MRPL14: variants seen among roughly 807,000 people sequenced by gnomAD.
MRPL14 encodes large ribosomal subunit protein uL14m.
In MRPL14, 8 loss-of-function variants were observed where a neutral mutation model predicts 10.9. The ratio of observed to expected loss-of-function variants is 0.74; its 90% CI spans 0.43 to 1.33. The LOEUF is 1.33. Ranked by LOEUF, MRPL14 falls within the 40% of genes most tolerant of loss-of-function variation. The probability of loss-of-function intolerance (pLI) is 0.01; values close to 1 mark genes in which losing one functional copy is unlikely to be tolerated. For missense variants in MRPL14, 179 were observed against 194.5 expected (o/e 0.92, Z 0.47); for synonymous variants, 82 against 74.1 (o/e 1.11, Z -0.54).
intron 1 of MRPL14, 72 bp from the exon 2 acceptor site, chr6:44,116,701 C>T: frequency 1.0e-6 from 1 of 1,003,466 alleles, no homozygotes; most frequent in Non-Finnish European, 1.6e-6. Flanking sequence ...TCTTTGGGGA[C>T]TTGTGTGGGA....
chr6:44,113,747 G>A lies in MRPL14; in HGVS notation c.*96C>T. The A allele has an allele frequency of 1.5e-6, 2 of 1,322,160 alleles. No individual in the cohort carries two copies. Among genetic ancestry groups the A allele is most frequent in the East Asian group, 2.3e-5 (1 of 42,816 alleles). 81.9% of individuals were successfully genotyped at this position (1,322,160 alleles called of 1,614,324 possible). The stretch of plus-strand genomic sequence containing the variant: ...ATACTACACTGTTACCCAGTGTGAA[G>A]GGAGCAGCCATGTGGCTCCCAAGCT... On this transcript the variant is annotated 3_prime_UTR_variant, in exon 3 of 3. Transcript: ENST00000372014.
At chr6:44,121,447 CTCCCT>C (rs1470023322) in intron 1 of MRPL14, among the ~76,000 whole-genome samples, 6 of 152,210 alleles carry the variant, frequency 3.9e-5, no homozygotes, top group Non-Finnish European at 7.3e-5. Context: ...GCTTTAAGAT[CTCCCT>C]TCAGTTGTAG....
chr6:44,123,935 T>A (rs1776689594), intron 1 of MRPL14, among the ~76,000 whole-genome samples: 1 of 152,212 alleles, frequency 6.6e-6, no homozygotes, highest in African/African-American at 2.4e-5. Context: ...AGATGGTTTT[T>A]CAATGTGTAG....
intron 1 of MRPL14, among the ~76,000 whole-genome samples, chr6:44,117,579 C>A (rs1363132928): frequency 1.3e-5 from 2 of 152,166 alleles, no homozygotes; most frequent in Non-Finnish European, 2.9e-5. Flanking sequence ...CAAGTTCAAA[C>A]CACCTCAGAT....
chr6:44,116,204 T>TA (rs749788644), intron 2 of MRPL14, among the ~76,000 whole-genome samples: 1 of 152,208 alleles, frequency 6.6e-6, no homozygotes, highest in Non-Finnish European at 1.5e-5. Flanking sequence ...TTTTTGTAAT[T>TA]AAAAAAATTC....
At chr6:44,116,968 T>A (rs1384452402) in intron 1 of MRPL14, among the ~76,000 whole-genome samples, 2 of 152,252 alleles carry the variant, frequency 1.3e-5, no homozygotes, top group Non-Finnish European at 2.9e-5. Flanking sequence ...GCCAGGGACT[T>A]CTTCTCGAGT....
chr6:44,125,410 C>CT (rs1305385295), intron 1 of MRPL14, among the ~76,000 whole-genome samples: 1 of 152,180 alleles, frequency 6.6e-6, no homozygotes, highest in African/African-American at 2.4e-5. Flanking sequence ...AATCCCAGCA[C>CT]TTTGAGAGGC....
At chr6:44,114,562 C>T (rs887691419) in intron 2 of MRPL14, among the ~76,000 whole-genome samples, 1 of 152,216 alleles carries the variant, frequency 6.6e-6, no homozygotes, top group East Asian at 1.9e-4. Context: ...CTAGGCCTCA[C>T]CCACTGCCTA....
chr6:44,122,695 G>A (rs564777212), intron 1 of MRPL14, among the ~76,000 whole-genome samples: 1 of 141,366 alleles, frequency 7.1e-6, no homozygotes, highest in South Asian at 2.3e-4. Context: ...AGGAGGTTCT[G>A]CTAGTATGTA....
chr6:44,125,671 A>G (rs1412252148), intron 1 of MRPL14, among the ~76,000 whole-genome samples: 1 of 151,114 alleles, frequency 6.6e-6, no homozygotes, highest in East Asian at 1.9e-4. Flanking sequence ...AAAAAAAAAA[A>G]AAAAAAAAAA....
intron 1 of MRPL14, among the ~76,000 whole-genome samples, chr6:44,125,410 C>T (rs1776866034): frequency 6.6e-6 from 1 of 152,180 alleles, no homozygotes; most frequent in Non-Finnish European, 1.5e-5. Flanking sequence ...AATCCCAGCA[C>T]TTTGAGAGGC....
intron 1 of MRPL14, among the ~76,000 whole-genome samples, chr6:44,126,576 G>A (rs899480821): frequency 6.6e-6 from 1 of 152,158 alleles, no homozygotes; most frequent in Non-Finnish European, 1.5e-5. Context: ...GTAGCCTGAG[G>A]TGTCTGTCAT....
At chr6:44,126,237 CGT>C (rs1358174386) in intron 1 of MRPL14, among the ~76,000 whole-genome samples, 3 of 152,340 alleles carry the variant, frequency 2.0e-5, no homozygotes, top group Admixed American at 2.0e-4. Flanking sequence ...TACACTCACA[CGT>C]GTGTGTACAC....
intron 1 of MRPL14, among the ~76,000 whole-genome samples, chr6:44,124,462 T>C (rs997077093): frequency 5.3e-5 from 8 of 152,238 alleles, no homozygotes; most frequent in African/African-American, 1.7e-4. Flanking sequence ...TGCAGGATAG[T>C]TTGTTTACCA....
At chr6:44,123,870 C>CA (rs564298670) in intron 1 of MRPL14, among the ~76,000 whole-genome samples, 1,595 of 149,950 alleles carry the variant, frequency 0.011, 13 homozygotes, top group Middle Eastern at 0.027. Context: ...GACCCTGCCT[C>CA]AAAAAAAAAG....
At chr6:44,122,318 C>T (rs1179631280) in intron 1 of MRPL14, among the ~76,000 whole-genome samples, 1 of 152,072 alleles carries the variant, frequency 6.6e-6, no homozygotes, top group Non-Finnish European at 1.5e-5. Flanking sequence ...CTCCTGACCT[C>T]GTGATCCGCC....
chr6:44,116,482 A>G, intron 2 of MRPL14, 59 bp downstream of exon 2: 2 of 1,539,168 alleles, frequency 1.3e-6, no homozygotes, highest in Non-Finnish European at 1.8e-6. Flanking sequence ...CGTAATACCC[A>G]GCCCTGATAG....
At chr6:44,118,919 G>A (rs1421031598) in intron 1 of MRPL14, among the ~76,000 whole-genome samples, 1 of 152,150 alleles carries the variant, frequency 6.6e-6, no homozygotes, top group African/African-American at 2.4e-5. Flanking sequence ...AGCCGAGATC[G>A]CATCATTGCA....
intron 2 of MRPL14, among the ~76,000 whole-genome samples, chr6:44,115,463 A>G (rs908736514): frequency 6.6e-6 from 1 of 152,038 alleles, no homozygotes; most frequent in Non-Finnish European, 1.5e-5. Context: ...CTCCACCAAC[A>G]TGAACTGGCC....
Sources: gnomAD v4.1 joint callset for allele counts (sites outside exome capture counted in the v4.1 genomes callset) on GRCh38, gnomAD v4.1.1 for gene constraint, MANE v1.5 for transcripts, NCBI Gene and HGNC (gene_info 2026-07-23, HGNC 2026-07-21) for gene names.